KAT2B: variants seen among roughly 807,000 people sequenced by gnomAD.
KAT2B encodes the protein histone acetyltransferase KAT2B.
Under a neutral mutation model 105.9 loss-of-function variants are expected in KAT2B, and 36 were observed. The ratio of observed to expected loss-of-function variants is 0.34; its 90% CI spans 0.26 to 0.45. The LOEUF is 0.45. Among genes scored for constraint, KAT2B ranks in the 20% least tolerant of loss-of-function variants. The pLI, the probability that KAT2B is intolerant of heterozygous loss-of-function variation, is 1.00. For synonymous variants in KAT2B, 397 were observed against 377.9 expected (o/e 1.05, Z -0.59); for missense variants, 820 against 1,021.6 (o/e 0.80, Z 2.69).
chr3:20,040,764 T>C lies in KAT2B; in HGVS notation c.287T>C (p.Val96Ala). 2 of 1,590,670 alleles carry C rather than the reference T, an allele frequency of 1.3e-6. No homozygotes were observed. Among genetic ancestry groups the C allele is most frequent in the Non-Finnish European group, 1.7e-6 (2 of 1,171,530 alleles). The change falls in exon 1 of 18, where the codon GTG becomes GCG. Residue 96 changes from valine (V) to alanine (A), a missense_variant. Around this residue, in one of 6 missense-constraint regions of KAT2B, gnomAD observed 190 missense variants for 176.7 expected, o/e 1.08. Transcript: ENST00000263754. ...PRAKKLEKLGVYSACKAEESC... is the reference protein window; with the variant it reads ...PRAKKLEKLGAYSACKAEESC... ...GCCAAGAAACTGGAGAAACTCGGAGTGTACTCCGCCTGCAAGGTACGCGCT... is the reference window on the plus strand; with the variant it reads ...GCCAAGAAACTGGAGAAACTCGGAGCGTACTCCGCCTGCAAGGTACGCGCT...
chr3:20,111,590 T>C lies in KAT2B; in HGVS notation c.852-6T>C, dbSNP rs1575140387. ...TATTGATGGTGCTTGACTTCTCTTG[T>C]CACAGGTGGCTGTGTTACTGCAACG... is the stretch of plus-strand genomic sequence containing the variant. On this transcript the variant is annotated splice_polypyrimidine_tract_variant and splice_region_variant and intron_variant, in intron 5 of 17. Coordinates refer to ENST00000263754, the MANE Select transcript of KAT2B (RefSeq NM_003884.5). The C allele has an allele frequency of 1.2e-6, 2 of 1,604,452 alleles. No homozygotes were observed. Among genetic ancestry groups the C allele is most frequent in the East Asian group, 2.2e-5 (1 of 44,646 alleles).
chr3:20,064,522 T>C (rs1049545653), intron 1 of KAT2B, among the ~76,000 whole-genome samples: 6 of 152,190 alleles, frequency 3.9e-5, no homozygotes, highest in African/African-American at 1.2e-4. Flanking sequence ...ATTTAAACAT[T>C]ATGACTTTGT....
At chr3:20,072,996 C>G (rs1182761850) in intron 2 of KAT2B, among the ~76,000 whole-genome samples, 1 of 152,020 alleles carries the variant, frequency 6.6e-6, no homozygotes, top group Admixed American at 6.6e-5. Context: ...TTTCAACTTT[C>G]TTATCTGACC....
At position 20,095,357 on chromosome 3, in the gene KAT2B, C is replaced by G; in HGVS notation, c.525C>G (p.Val175=). 6.2e-7 allele frequency: 1 copy of G among 1,601,734 alleles called. No individual in the cohort carries two copies. Among genetic ancestry groups the G allele is most frequent in the Non-Finnish European group, 8.6e-7 (1 of 1,168,966 alleles). Residue 175 remains valine, a synonymous_variant, in exon 3 of 18, where the codon GTC becomes GTG. Transcript: ENST00000263754. ...ATGTGGAATATCTCTTTACCTGTGTCCACAAGGAAGAAGATGCAGATACCA... is the reference window on the plus strand; with the variant it reads ...ATGTGGAATATCTCTTTACCTGTGTGCACAAGGAAGAAGATGCAGATACCA... ...VLDVEYLFTC[V]HKEEDADTKQ... is the part of the protein sequence containing the mutation.
At chr3:20,121,178 G>T (rs1000770682) in intron 8 of KAT2B, among the ~76,000 whole-genome samples, 1 of 152,060 alleles carries the variant, frequency 6.6e-6, no homozygotes, top group East Asian at 1.9e-4. Context: ...AAAAGAACTC[G>T]ACAAAAGTGA....
At chr3:20,137,203 G>A (rs529916287) in intron 12 of KAT2B, 151 bp downstream of exon 12, 32 of 592,396 alleles carry the variant, frequency 5.4e-5, no homozygotes, top group South Asian at 6.4e-5. Context: ...ATAAGCTTCA[G>A]CCTGGATTAG....
intron 1 of KAT2B, among the ~76,000 whole-genome samples, chr3:20,044,099 A>C (rs888447140): frequency 2.0e-5 from 3 of 152,074 alleles, no homozygotes; most frequent in African/African-American, 7.2e-5. Context: ...GAAAAGAAAC[A>C]AACAAACTTG....
chr3:20,136,929 A>C lies in KAT2B; in HGVS notation c.1750-13A>C, dbSNP rs1237278121. 1 of 1,470,816 alleles carries C rather than the reference A, an allele frequency of 6.8e-7. No individual in the cohort carries two copies. Among genetic ancestry groups the C allele is most frequent in the Admixed American group, 1.7e-5 (1 of 58,410 alleles). The allele number at this position is 1,470,816 out of a possible 1,614,324, so 91.1% of individuals were successfully genotyped here. On this transcript the variant is annotated splice_polypyrimidine_tract_variant and intron_variant, in intron 11 of 17. Coordinates refer to ENST00000263754, the MANE Select transcript of KAT2B (RefSeq NM_003884.5). Reference sequence around the variant, plus strand: ...AGTCTAATGTATTTGTTTGTATACTAACTTCCACACAGGGCTATGGAACAC... The same window carrying C: ...AGTCTAATGTATTTGTTTGTATACTCACTTCCACACAGGGCTATGGAACAC...
chr3:20,116,252 GTACCTGTGCTATTCACTTTA>G (rs1052010077), intron 7 of KAT2B, among the ~76,000 whole-genome samples: 1 of 152,056 alleles, frequency 6.6e-6, no homozygotes, highest in Non-Finnish European at 1.5e-5. Context: ...TGCTCCCTCT[GTACCTGTGCTATTCACTTTA>G]CCTTGGATTT....
intron 13 of KAT2B, among the ~76,000 whole-genome samples, chr3:20,145,161 A>G (rs1292497187): frequency 6.6e-6 from 1 of 152,216 alleles, no homozygotes; most frequent in Non-Finnish European, 1.5e-5. Context: ...CTTTTTTCCA[A>G]TTGTATGTTA....
intron 2 of KAT2B, among the ~76,000 whole-genome samples, chr3:20,077,165 T>C (rs1340701049): frequency 6.6e-6 from 1 of 152,120 alleles, no homozygotes; most frequent in Non-Finnish European, 1.5e-5. Flanking sequence ...GAACATTCAG[T>C]TGGGAACTAG....
Position 20,140,957 on chromosome 3 carries a change from G to T in KAT2B, c.2004+593G>T, listed in dbSNP as rs183585924. Among the ~76,000 whole-genome samples, 22 of 152,108 alleles carry T rather than the reference G, an allele frequency of 1.4e-4. 1 individual carries two copies. In the East Asian group the frequency reaches 3.9e-3, roughly 27 times the overall value. On this transcript the variant is annotated intron_variant, in intron 13 of 17. Coordinates refer to ENST00000263754, the MANE Select transcript of KAT2B (RefSeq NM_003884.5). The stretch of plus-strand genomic sequence containing the variant: ...CACCTTCAAGCCATTTTGCATTCTG[G>T]CCTCAATTATTGTTCCCACTCTTAT...
intron 7 of KAT2B, among the ~76,000 whole-genome samples, chr3:20,115,623 A>G (rs984035423): frequency 6.6e-6 from 1 of 152,212 alleles, no homozygotes; most frequent in African/African-American, 2.4e-5. Flanking sequence ...TAAAAACAAA[A>G]TTGAAGTATA....
At chr3:20,047,950 A>T (rs1027874999) in intron 1 of KAT2B, among the ~76,000 whole-genome samples, 1 of 152,126 alleles carries the variant, frequency 6.6e-6, no homozygotes, top group Non-Finnish European at 1.5e-5. Flanking sequence ...TTTTGTATCA[A>T]ATTGGTTGTT....
At chr3:20,084,347 G>A (rs1698576274) in intron 2 of KAT2B, among the ~76,000 whole-genome samples, 1 of 151,996 alleles carries the variant, frequency 6.6e-6, no homozygotes, top group Admixed American at 6.6e-5. Context: ...TCCTGCTTCA[G>A]TGCTCCCCCT....
intron 11 of KAT2B, among the ~76,000 whole-genome samples, chr3:20,132,845 T>G (rs2686313): frequency 0.78 from 117,999 of 152,140 alleles, 46,060 homozygotes; most frequent in East Asian, 0.97. Flanking sequence ...GGATGAAGGG[T>G]ACAAATTTAT....
intron 6 of KAT2B, among the ~76,000 whole-genome samples, chr3:20,113,446 A>G (rs1209610743): frequency 6.6e-6 from 1 of 152,128 alleles, no homozygotes; most frequent in Non-Finnish European, 1.5e-5. Flanking sequence ...TCTTGCAGGT[A>G]TTTGCTAATT....
intron 5 of KAT2B, among the ~76,000 whole-genome samples, chr3:20,108,123 A>G (rs535246670): frequency 6.6e-6 from 1 of 152,216 alleles, no homozygotes; most frequent in South Asian, 2.1e-4. Context: ...TCCAGTGTGT[A>G]TTTTTCACAC....
chr3:20,128,923 C>G lies in KAT2B; in HGVS notation c.1749+1374C>G, dbSNP rs1016992036. 5.5e-5 allele frequency among the ~76,000 whole-genome samples: 8 copies of G among 145,246 alleles called. No individual in the cohort carries two copies. The Admixed American group carries it at 5.9e-4, about 11-fold the overall frequency. On this transcript the variant is annotated intron_variant, in intron 11 of 17. Coordinates refer to ENST00000263754, the MANE Select transcript of KAT2B (RefSeq NM_003884.5). ...TTGGGAGGCTGAGGCAGGAAAATTGCTTGAACCCGGGAGGCGGAGGTTGCA... is the reference window on the plus strand; with the variant it reads ...TTGGGAGGCTGAGGCAGGAAAATTGGTTGAACCCGGGAGGCGGAGGTTGCA...
Sources: allele counts gnomAD v4.1 joint callset (sites outside exome capture counted in the v4.1 genomes callset), GRCh38; gene constraint gnomAD v4.1.1; regional missense constraint gnomAD v4.1.1; transcripts MANE v1.5; gene names NCBI Gene and HGNC (gene_info 2026-07-23, HGNC 2026-07-21).